The following REDIC1 variants were observed in gnomAD, a reference collection of about 807,000 sequenced individuals.
REDIC1 encodes the protein HEI10 Interacting Protein 1.
the REDIC1 span, among the ~76,000 whole-genome samples, chr12:39,670,316 C>T: frequency 6.6e-6 from 1 of 152,134 alleles, no homozygotes; most frequent in Non-Finnish European, 1.5e-5. Flanking sequence ...TCAGCCTCCT[C>T]AATAACTGGG....
chr12:39,896,327 T>C, the REDIC1 span, among the ~76,000 whole-genome samples: 8 of 142,246 alleles, frequency 5.6e-5, no homozygotes, highest in Non-Finnish European at 9.1e-5. Flanking sequence ...TATGTATATG[T>C]GTATATATGT....
At chr12:39,849,283 A>G in the REDIC1 span, among the ~76,000 whole-genome samples, 1 of 152,192 alleles carries the variant, frequency 6.6e-6, no homozygotes, top group Admixed American at 6.5e-5. Context: ...CAGTGACTCA[A>G]TGTGCATTGG....
At chr12:39,774,718 G>T in the REDIC1 span, among the ~76,000 whole-genome samples, 2 of 151,652 alleles carry the variant, frequency 1.3e-5, no homozygotes, top group Admixed American at 1.3e-4. Flanking sequence ...TTAAATCATA[G>T]ATATGGGTAA....
the REDIC1 span, among the ~76,000 whole-genome samples, chr12:39,651,424 G>A: frequency 6.7e-6 from 1 of 148,348 alleles, no homozygotes; most frequent in Non-Finnish European, 1.5e-5. Context: ...CACTCCTGGT[G>A]ATGTGATGAG....
chr12:39,653,538 T>TCTTC, the REDIC1 span, among the ~76,000 whole-genome samples: 71 of 66,692 alleles, frequency 1.1e-3, 1 homozygote, highest in Non-Finnish European at 1.3e-3. Flanking sequence ...TTCTTCTTCT[T>TCTTC]TTTCTTCTTC....
At chr12:39,626,554 C>T in the REDIC1 span, among the ~76,000 whole-genome samples, 1 of 152,190 alleles carries the variant, frequency 6.6e-6, no homozygotes. Flanking sequence ...AGCTTCTCCC[C>T]ACTCACTGCC....
At chr12:39,703,892 G>T in the REDIC1 span, among the ~76,000 whole-genome samples, 8 of 152,252 alleles carry the variant, frequency 5.3e-5, no homozygotes, top group South Asian at 1.5e-3. Context: ...GCTGAAACTG[G>T]ATCCCTTCCT....
chr12:39,765,971 C>T, the REDIC1 span, among the ~76,000 whole-genome samples: 4 of 152,176 alleles, frequency 2.6e-5, no homozygotes, highest in South Asian at 2.1e-4. Flanking sequence ...TGTGAAAACA[C>T]GCAGTGTGTG....
the REDIC1 span, among the ~76,000 whole-genome samples, chr12:39,664,383 T>C: frequency 6.6e-6 from 1 of 152,166 alleles, no homozygotes; most frequent in Non-Finnish European, 1.5e-5. Flanking sequence ...GCTTCATCCA[T>C]GTCCCTACAA....
chr12:39,848,986 A>C, the REDIC1 span, among the ~76,000 whole-genome samples: 1 of 152,104 alleles, frequency 6.6e-6, no homozygotes, highest in South Asian at 2.1e-4. Flanking sequence ...ACTTATGAAC[A>C]CAAAGAAGGA....
At chr12:39,706,918 A>G in the REDIC1 span, among the ~76,000 whole-genome samples, 1 of 152,002 alleles carries the variant, frequency 6.6e-6, no homozygotes, top group African/African-American at 2.4e-5. Flanking sequence ...GAAAACACTA[A>G]GGAAATTCCC....
the REDIC1 span, among the ~76,000 whole-genome samples, chr12:39,669,267 T>C: frequency 1.3e-5 from 2 of 152,210 alleles, no homozygotes; most frequent in African/African-American, 4.8e-5. Flanking sequence ...GTTTTCCTTC[T>C]AACAGTCAGG....
the REDIC1 span, among the ~76,000 whole-genome samples, chr12:39,827,680 C>A: frequency 0.083 from 12,570 of 152,030 alleles, 688 homozygotes; most frequent in Non-Finnish European, 0.1. Context: ...TAGAAGTCTG[C>A]TAAATAATTT....
chr12:39,875,702 G>A, the REDIC1 span, among the ~76,000 whole-genome samples: 1 of 152,168 alleles, frequency 6.6e-6, no homozygotes, highest in South Asian at 2.1e-4. Flanking sequence ...TCACAGGGCA[G>A]GACATGATAT....
the REDIC1 span, among the ~76,000 whole-genome samples, chr12:39,850,404 T>C: frequency 2.0e-5 from 3 of 152,164 alleles, no homozygotes; most frequent in Non-Finnish European, 2.9e-5. Context: ...ATGGCACTCA[T>C]TGTTAGTTTG....
the REDIC1 span, among the ~76,000 whole-genome samples, chr12:39,712,795 A>G: frequency 4.1e-4 from 40 of 98,430 alleles, no homozygotes; most frequent in Admixed American, 1.1e-4. Flanking sequence ...ACGTATATGT[A>G]TATATGTGTA....
the REDIC1 span, among the ~76,000 whole-genome samples, chr12:39,653,345 C>T: frequency 1.5e-3 from 234 of 151,830 alleles, 1 homozygote; most frequent in Admixed American, 2.9e-3. Context: ...TATAGAAATA[C>T]GATTAATTTT....
chr12:39,782,625 T>C, the REDIC1 span, among the ~76,000 whole-genome samples: 2 of 152,142 alleles, frequency 1.3e-5, no homozygotes, highest in African/African-American at 4.8e-5. Context: ...GGGGCATTGC[T>C]GAAAAGATAC....
At chr12:39,662,951 C>T in the REDIC1 span, among the ~76,000 whole-genome samples, 1 of 151,866 alleles carries the variant, frequency 6.6e-6, no homozygotes, top group African/African-American at 2.4e-5. Flanking sequence ...TATGTTGAAC[C>T]ATTCTTATAT....
Sources: gnomAD v4.1 joint callset for allele counts (sites outside exome capture counted in the v4.1 genomes callset) on GRCh38, gnomAD v4.1.1 for gene constraint, MANE v1.5 for transcripts, NCBI Gene and HGNC (gene_info 2026-07-23, HGNC 2026-07-21) for gene names.